DNAL1: variants seen among roughly 807,000 people sequenced by gnomAD.
The protein encoded by DNAL1 is chromosome 14 open reading frame 168.
DNAL1 carries 17 observed loss-of-function variants against 29.4 expected under a neutral mutation model. The ratio of observed to expected loss-of-function variants is 0.58; its 90% CI spans 0.40 to 0.87. DNAL1 has a LOEUF of 0.87. Among genes scored for constraint, DNAL1 ranks in the 40% least tolerant of loss-of-function variants. The pLI, the probability that DNAL1 is intolerant of heterozygous loss-of-function variation, is 0.00. For missense variants in DNAL1, 188 were observed against 214.1 expected (o/e 0.88, Z 0.76); for synonymous variants, 78 against 76.3 (o/e 1.02, Z -0.12).
At chr14:73,672,398 G>A (rs1891633849) in intron 5 of DNAL1, among the ~76,000 whole-genome samples, 1 of 152,040 alleles carries the variant, frequency 6.6e-6, no homozygotes, top group Admixed American at 6.6e-5. Flanking sequence ...GAGGTCAGGA[G>A]ATGGAGACCA....
intron 5 of DNAL1, among the ~76,000 whole-genome samples, chr14:73,672,067 G>A (rs1891625826): frequency 6.6e-6 from 1 of 152,104 alleles, no homozygotes; most frequent in Admixed American, 6.6e-5. Context: ...CTTGTGCTTC[G>A]TAAGAGGCAG....
At chr14:73,660,761 G>C (rs1271099482) in intron 3 of DNAL1, among the ~76,000 whole-genome samples, 1 of 152,108 alleles carries the variant, frequency 6.6e-6, no homozygotes, top group Non-Finnish European at 1.5e-5. Flanking sequence ...ATTTCAAAGT[G>C]GTCACATATC....
At chr14:73,660,552 G>T (rs1891318443) in intron 3 of DNAL1, among the ~76,000 whole-genome samples, 1 of 152,134 alleles carries the variant, frequency 6.6e-6, no homozygotes, top group South Asian at 2.1e-4. Context: ...TGAAACCTAG[G>T]AATCTGCATT....
intron 4 of DNAL1, among the ~76,000 whole-genome samples, chr14:73,670,929 G>T (rs1891603477): frequency 6.6e-6 from 1 of 151,574 alleles, no homozygotes; most frequent in African/African-American, 2.4e-5. Flanking sequence ...GTAGAGACGG[G>T]GTTTCACCGT....
chr14:73,650,937 C>T (rs1226456019), intron 1 of DNAL1, among the ~76,000 whole-genome samples: 1 of 152,198 alleles, frequency 6.6e-6, no homozygotes, highest in Non-Finnish European at 1.5e-5. Context: ...TCACCAAACC[C>T]AGCTGCTGAG....
rs1892464335 is a variant in DNAL1, at chr14:73,702,658, T to A, written c.*6716T>A. The A allele has an allele frequency of 6.6e-6, 1 of 152,092 alleles. No individual in the cohort carries two copies. The highest frequency in any genetic ancestry group is 1.9e-4 in the East Asian group (1 of 5,194). The allele number at this position is 152,092 out of a possible 1,614,324, so 9.4% of individuals were successfully genotyped here. On this transcript the variant is annotated 3_prime_UTR_variant, in exon 8 of 8. Transcript: ENST00000553645. ...AAAAGTTAGCTGATAGGCCCTGAATTGAGAAAAAGGAATCACCAAGCAATA... is the reference window on the plus strand; with the variant it reads ...AAAAGTTAGCTGATAGGCCCTGAATAGAGAAAAAGGAATCACCAAGCAATA...
chr14:73,677,883 T>TG (rs1478185673), intron 5 of DNAL1, among the ~76,000 whole-genome samples: 1,775 of 125,346 alleles, frequency 0.014, 37 homozygotes, highest in African/African-American at 0.053. Flanking sequence ...TATATATATA[T>TG]TTGTGTGTGT....
rs1892465638 is a variant in DNAL1, at chr14:73,702,692, A to G, written c.*6750A>G. The G allele has an allele frequency of 6.6e-6, 1 of 152,204 alleles. No homozygotes were observed. The highest frequency in any genetic ancestry group is 1.5e-5 in the Non-Finnish European group (1 of 68,038). 9.4% of individuals were successfully genotyped at this position (152,204 alleles called of 1,614,324 possible). The stretch of plus-strand genomic sequence containing the variant: ...GGAATCACCAAGCAATATCCGTAAC[A>G]TTACACATTTTGCCAGCACATTTTC... On this transcript the variant is annotated 3_prime_UTR_variant, in exon 8 of 8. Coordinates refer to ENST00000553645, the MANE Select transcript of DNAL1 (RefSeq NM_031427.4).
chr14:73,646,074 T>C (rs1890969779), intron 1 of DNAL1, among the ~76,000 whole-genome samples: 1 of 152,218 alleles, frequency 6.6e-6, no homozygotes, highest in Admixed American at 6.5e-5. Flanking sequence ...AAAAAGTAGT[T>C]TCCCCCCTGC....
chr14:73,645,397 A>AC lies in DNAL1; in HGVS notation c.3+362dup, dbSNP rs140011960. Reference sequence around the variant, plus strand: ...TCTTTACATAGAAGTAATTTTAGTGACCCCCCCGTCGAGATGCAGGGAGGG... The same window carrying AC: ...TCTTTACATAGAAGTAATTTTAGTGACCCCCCCCGTCGAGATGCAGGGAGGG... On this transcript the variant is annotated intron_variant, in intron 1 of 7. Coordinates refer to ENST00000553645, the MANE Select transcript of DNAL1 (RefSeq NM_031427.4). Among the ~76,000 whole-genome samples the AC allele has an allele frequency of 4.9e-3, 744 of 151,084 alleles. 5 individuals carry two copies. Among genetic ancestry groups the AC allele is most frequent in the Non-Finnish European group, 9.0e-3 (613 of 67,770 alleles).
intron 3 of DNAL1, chr14:73,659,649 G>C (rs1055896858): frequency 4.6e-5 from 7 of 152,104 alleles, no homozygotes; most frequent in Non-Finnish European, 4.4e-5. Context: ...CATGGCTGCT[G>C]AAGTGAGCAC....
intron 2 of DNAL1, among the ~76,000 whole-genome samples, chr14:73,657,018 A>C (rs1007388799): frequency 6.6e-6 from 1 of 152,030 alleles, no homozygotes; most frequent in Non-Finnish European, 1.5e-5. Context: ...TCCTGAGCTC[A>C]AGTGATCCTC....
At chr14:73,677,705 C>T (rs1417255291) in intron 5 of DNAL1, among the ~76,000 whole-genome samples, 2 of 150,112 alleles carry the variant, frequency 1.3e-5, no homozygotes, top group Non-Finnish European at 1.5e-5. Context: ...TACAGGCGCC[C>T]GCCACCACGC....
intron 3 of DNAL1, among the ~76,000 whole-genome samples, chr14:73,661,158 T>G (rs796092119): frequency 3.3e-5 from 5 of 149,762 alleles, no homozygotes; most frequent in African/African-American, 1.0e-4. Flanking sequence ...AGCGAGACTC[T>G]GTCTAAAAAA....
At chr14:73,679,591 G>A (rs1891827464) in intron 5 of DNAL1, among the ~76,000 whole-genome samples, 1 of 152,120 alleles carries the variant, frequency 6.6e-6, no homozygotes, top group South Asian at 2.1e-4. Flanking sequence ...TCAGACCCTG[G>A]CAATCTGATC....
At chr14:73,689,662 G>A (rs1892118300) in intron 7 of DNAL1, 147 bp downstream of exon 7, 2 of 1,256,220 alleles carry the variant, frequency 1.6e-6, no homozygotes, top group African/African-American at 3.0e-5. Flanking sequence ...AATGGTCTAG[G>A]TTTGAGCCAA....
Position 73,702,334 on chromosome 14 carries a change from T to G in DNAL1, c.*6392T>G, listed in dbSNP as rs762367384. On this transcript the variant is annotated 3_prime_UTR_variant, in exon 8 of 8. Transcript: ENST00000553645. ...TTTGTATTTTTAGTAGAGACGAAGT[T>G]TCACCATGCTGGCCAGGTTGGTCTC... The G allele has an allele frequency of 7.2e-5, 11 of 152,160 alleles. No individual in the cohort carries two copies. The East Asian group carries it at 2.1e-3, about 29-fold the overall frequency. 9.4% of individuals were successfully genotyped at this position (152,160 alleles called of 1,614,324 possible). A position where few individuals can be genotyped will look rare whatever the true frequency, so the allele number is the denominator to read the frequency against.
At chr14:73,695,861 T>G in intron 7 of DNAL1, 41 bp from the exon 8 acceptor site, 5 of 1,515,812 alleles carry the variant, frequency 3.3e-6, no homozygotes, top group Non-Finnish European at 3.6e-6. Flanking sequence ...TTTTAGCAAT[T>G]TTTTGAGAAT....
intron 1 of DNAL1, among the ~76,000 whole-genome samples, chr14:73,652,503 T>A (rs1330215349): frequency 6.6e-6 from 1 of 152,116 alleles, no homozygotes; most frequent in Non-Finnish European, 1.5e-5. Flanking sequence ...CTCGAACTCC[T>A]GGGCTCAAGC....
Sources: allele counts gnomAD v4.1 joint callset (sites outside exome capture counted in the v4.1 genomes callset), GRCh38; gene constraint gnomAD v4.1.1; transcripts MANE v1.5; gene names NCBI Gene and HGNC (gene_info 2026-07-23, HGNC 2026-07-21).